Variants in ATP10A observed in about 807,000 individuals in gnomAD.
The protein encoded by ATP10A is ATPase phospholipid transporting 10A (putative).
In ATP10A, 111 loss-of-function variants were observed where a neutral mutation model predicts 147.8. That is an observed-to-expected ratio of 0.75 (90% CI 0.64 to 0.88). The LOEUF (loss-of-function observed/expected upper bound fraction) is 0.88. Among genes scored for constraint, ATP10A ranks in the 40% least tolerant of loss-of-function variants. The probability of loss-of-function intolerance (pLI) is 0.00; values close to 1 mark genes in which losing one functional copy is unlikely to be tolerated. For synonymous variants in ATP10A, 875 were observed against 841.6 expected, an observed-to-expected ratio of 1.04 and a Z score of -0.69; for missense variants, 1,927 against 1,959.0, an observed-to-expected ratio of 0.98 and a Z score of 0.31.
At position 25,693,288 on chromosome 15, in the gene ATP10A, G is replaced by A. The variant is rs569033398; in HGVS notation, c.3089-1497C>T. On this transcript the variant is annotated intron_variant, in intron 14 of 20. Coordinates refer to ENST00000555815, the MANE Select transcript of ATP10A (RefSeq NM_024490.4). ...TCTTCCTGCCTTGGCCTCCCAAACT[G>A]TTGAGATGACTGGTGTGAACCACGT... 2.0e-5 allele frequency among the ~76,000 whole-genome samples: 3 copies of A among 152,302 alleles called. No homozygotes were observed. In the South Asian group the frequency reaches 6.2e-4, roughly 32 times the overall value.
intron 2 of ATP10A, among the ~76,000 whole-genome samples, chr15:25,770,291 C>A (rs1889268658): frequency 6.6e-6 from 1 of 152,174 alleles, no homozygotes; most frequent in Non-Finnish European, 1.5e-5. Flanking sequence ...GCCCAATCAG[C>A]CTGAGCAGCG....
chr15:25,858,166 G>T (rs1376508207), intron 1 of ATP10A, among the ~76,000 whole-genome samples: 1 of 152,172 alleles, frequency 6.6e-6, no homozygotes, highest in African/African-American at 2.4e-5. Context: ...AGCGTCCAGT[G>T]CCCTAACCTA....
chr15:25,744,310 A>G (rs13329218), intron 2 of ATP10A, among the ~76,000 whole-genome samples: 52,962 of 151,944 alleles, frequency 0.35, 9,577 homozygotes, highest in Non-Finnish European at 0.4. Flanking sequence ...AAAACCAGCA[A>G]AAGTCTTCTT....
intron 8 of ATP10A, 106 bp downstream of exon 8, chr15:25,718,076 G>T (rs1901932160): frequency 1.6e-6 from 2 of 1,228,618 alleles, no homozygotes; most frequent in South Asian, 1.4e-5. Flanking sequence ...GCCGCCCAGC[G>T]ACAGTGTATT....
At chr15:25,845,858 C>G (rs1264483580) in intron 1 of ATP10A, among the ~76,000 whole-genome samples, 1 of 152,234 alleles carries the variant, frequency 6.6e-6, no homozygotes, top group Non-Finnish European at 1.5e-5. Context: ...CTGGTACCCC[C>G]ATGTTCACAG....
At chr15:25,827,927 C>T (rs983600708) in intron 1 of ATP10A, among the ~76,000 whole-genome samples, 8 of 151,858 alleles carry the variant, frequency 5.3e-5, no homozygotes, top group Admixed American at 5.2e-4. Context: ...TTAAAAAATA[C>T]AAATAGGTTG....
At chr15:25,803,348 G>T (rs1245955459) in intron 1 of ATP10A, among the ~76,000 whole-genome samples, 1 of 152,238 alleles carries the variant, frequency 6.6e-6, no homozygotes, top group Non-Finnish European at 1.5e-5. Flanking sequence ...CACACCAGGT[G>T]CTAAGGATAC....
chr15:25,830,141 G>T (rs900393177), intron 1 of ATP10A, among the ~76,000 whole-genome samples: 1 of 152,134 alleles, frequency 6.6e-6, no homozygotes, highest in African/African-American at 2.4e-5. Context: ...CCACGGAGAG[G>T]AGGAGGCCTG....
chr15:25,827,217 A>G (rs1196521129), intron 1 of ATP10A, among the ~76,000 whole-genome samples: 1 of 152,242 alleles, frequency 6.6e-6, no homozygotes, highest in Non-Finnish European at 1.5e-5. Context: ...CCAGATAAAC[A>G]AAAACAGAGA....
At chr15:25,753,409 A>G (rs1888253698) in intron 2 of ATP10A, among the ~76,000 whole-genome samples, 1 of 152,190 alleles carries the variant, frequency 6.6e-6, no homozygotes, top group Non-Finnish European at 1.5e-5. Context: ...GTTGTTGCAA[A>G]TGACAGAATT....
chr15:25,843,795 G>A (rs1242675605), intron 1 of ATP10A, among the ~76,000 whole-genome samples: 1 of 152,102 alleles, frequency 6.6e-6, no homozygotes, highest in East Asian at 1.9e-4. Context: ...AGCTCCCGTC[G>A]CAGACCCCAC....
chr15:25,848,007 G>A (rs1181943182), intron 1 of ATP10A, among the ~76,000 whole-genome samples: 1 of 152,020 alleles, frequency 6.6e-6, no homozygotes. Flanking sequence ...GGTGGTTTCT[G>A]CCAGGCATGG....
intron 1 of ATP10A, among the ~76,000 whole-genome samples, chr15:25,789,455 C>A (rs892640709): frequency 6.6e-6 from 1 of 151,968 alleles, no homozygotes; most frequent in Non-Finnish European, 1.5e-5. Context: ...GGAGGATCAC[C>A]ACAAGAGATC....
At chr15:25,680,043 C>G in intron 20 of ATP10A, 69 bp from the exon 21 acceptor site, 3 of 1,581,994 alleles carry the variant, frequency 1.9e-6, no homozygotes, top group Non-Finnish European at 2.6e-6. Flanking sequence ...TTCCAGAGAC[C>G]CACATAGAGC....
At chr15:25,780,100 C>G (rs1332806047) in intron 2 of ATP10A, among the ~76,000 whole-genome samples, 1 of 152,266 alleles carries the variant, frequency 6.6e-6, no homozygotes, top group African/African-American at 2.4e-5. Flanking sequence ...CACCGCCCCA[C>G]TCCCTACAGT....
chr15:25,725,916 C>A, intron 5 of ATP10A, 35 bp downstream of exon 5: 3 of 1,584,934 alleles, frequency 1.9e-6, no homozygotes, highest in African/African-American at 1.3e-5. Context: ...CTGCGCCTGG[C>A]CCCCACTCAT....
At chr15:25,698,587 T>C (rs894550409) in intron 13 of ATP10A, among the ~76,000 whole-genome samples, 3 of 152,186 alleles carry the variant, frequency 2.0e-5, no homozygotes, top group African/African-American at 7.2e-5. Context: ...AAGTTATATG[T>C]GGATTTTTGA....
chr15:25,697,255 C>T (rs771385247), intron 13 of ATP10A, among the ~76,000 whole-genome samples: 12 of 152,206 alleles, frequency 7.9e-5, no homozygotes, highest in South Asian at 2.1e-4. Flanking sequence ...ACACATCTGC[C>T]TTTGAAACCA....
chr15:25,834,280 T>A (rs1273288708), intron 1 of ATP10A, among the ~76,000 whole-genome samples: 1 of 152,234 alleles, frequency 6.6e-6, no homozygotes, highest in Non-Finnish European at 1.5e-5. Context: ...TGACTGGAAC[T>A]TGTATCTACT....
Sources: allele counts gnomAD v4.1 joint callset (sites outside exome capture counted in the v4.1 genomes callset), GRCh38; gene constraint gnomAD v4.1.1; transcripts MANE v1.5; gene names NCBI Gene and HGNC (gene_info 2026-07-23, HGNC 2026-07-21).